MSI2: variants seen among roughly 807,000 people sequenced by gnomAD.
MSI2 encodes musashi RNA binding protein 2.
MSI2 carries 17 observed loss-of-function variants against 45.6 expected under a neutral mutation model. The observed-to-expected ratio is 0.37, with a 90% CI of 0.26 to 0.56. MSI2 has a LOEUF of 0.56. Ranked by LOEUF, MSI2 falls within the 20% of genes least tolerant of loss-of-function variation. The pLI is 0.77. For missense variants in MSI2, 293 were observed against 444.2 expected, an observed-to-expected ratio of 0.66 and a Z score of 3.06; for synonymous variants, 156 against 158.2, an observed-to-expected ratio of 0.99 and a Z score of 0.11.
chr17:57,570,420 G>T (rs896791466), intron 7 of MSI2, among the ~76,000 whole-genome samples: 1 of 152,216 alleles, frequency 6.6e-6, no homozygotes, highest in Non-Finnish European at 1.5e-5. Flanking sequence ...GAGTTATGGG[G>T]TGGGTTGAAA....
chr17:57,263,260 C>T (rs553164294), intron 5 of MSI2, among the ~76,000 whole-genome samples: 46 of 152,292 alleles, frequency 3.0e-4, no homozygotes, highest in Non-Finnish European at 5.6e-4. Flanking sequence ...CCTTCCTTCC[C>T]TCCTTCTTTC....
the MSI2 span, among the ~76,000 whole-genome samples, chr17:57,700,559 CTAACTGGGA>C: frequency 1.3e-5 from 2 of 152,118 alleles, no homozygotes; most frequent in Non-Finnish European, 2.9e-5. Context: ...TGTGATAGGT[CTAACTGGGA>C]TAACATTGAC....
rs189197278 is a variant in MSI2, at chr17:57,610,775, G to C, written c.538-5195G>C. Among the ~76,000 whole-genome samples, 4 of 94,040 alleles carry C rather than the reference G, an allele frequency of 4.3e-5. 2 individuals carry two copies. The East Asian group carries it at 1.1e-3, about 25-fold the overall frequency. 61.7% of individuals were successfully genotyped at this position (94,040 alleles called of 152,430 possible). A position where few individuals can be genotyped will look rare whatever the true frequency, so the allele number is the denominator to read the frequency against. ...GCTGCCCTAGGTGTCCAGGGGCTAG[G>C]TGTCCAGGGGCTAGGTCATTATTCT... On this transcript the variant is annotated intron_variant, in intron 8 of 13. Coordinates refer to ENST00000284073, the MANE Select transcript of MSI2 (RefSeq NM_138962.4).
intron 7 of MSI2, among the ~76,000 whole-genome samples, chr17:57,533,414 TC>T (rs2086861118): frequency 6.6e-6 from 1 of 152,248 alleles, no homozygotes; most frequent in Non-Finnish European, 1.5e-5. Context: ...CTTCTGCTGC[TC>T]CCATGACATT....
intron 6 of MSI2, among the ~76,000 whole-genome samples, chr17:57,432,809 C>T (rs922342936): frequency 5.3e-5 from 8 of 152,314 alleles, no homozygotes; most frequent in East Asian, 3.9e-4. Flanking sequence ...ATCTGCTAAG[C>T]GATTCCTGTG....
the MSI2 span, among the ~76,000 whole-genome samples, chr17:57,696,994 C>G: frequency 6.6e-6 from 1 of 152,094 alleles, no homozygotes; most frequent in Non-Finnish European, 1.5e-5. Context: ...TCCATGGGAC[C>G]AGAGCTATCT....
intron 6 of MSI2, among the ~76,000 whole-genome samples, chr17:57,455,921 T>C (rs2085105929): frequency 2.0e-5 from 3 of 152,196 alleles, no homozygotes; most frequent in Admixed American, 2.0e-4. Context: ...ACAGACTCTT[T>C]GGACAAAGCT....
intron 10 of MSI2, chr17:57,631,799 C>T (rs748231001): frequency 3.7e-6 from 6 of 1,612,780 alleles, no homozygotes; most frequent in Non-Finnish European, 5.1e-6. Flanking sequence ...AGACTATTTG[C>T]CGGTTTCACA....
intron 5 of MSI2, among the ~76,000 whole-genome samples, chr17:57,363,687 C>G (rs960726122): frequency 6.6e-6 from 1 of 152,060 alleles, no homozygotes; most frequent in Non-Finnish European, 1.5e-5. Context: ...TGTAGTGAGC[C>G]GAATTGGCAC....
intron 11 of MSI2, among the ~76,000 whole-genome samples, chr17:57,663,518 A>G (rs2144718920): frequency 6.6e-6 from 1 of 152,108 alleles, no homozygotes; most frequent in East Asian, 1.9e-4. Context: ...GACCTTGGGG[A>G]GAAGAGGAGA....
chr17:57,456,935 G>A (rs923095498), intron 6 of MSI2, among the ~76,000 whole-genome samples: 23 of 152,168 alleles, frequency 1.5e-4, no homozygotes, highest in African/African-American at 5.1e-4. Context: ...ATGCACCCGG[G>A]TCCTGTGGTT....
intron 10 of MSI2, among the ~76,000 whole-genome samples, chr17:57,639,669 C>G (rs1286792112): frequency 6.6e-6 from 1 of 152,236 alleles, no homozygotes; most frequent in African/African-American, 2.4e-5. Flanking sequence ...GCTGCCCCAC[C>G]CTGAGTCTGA....
At chr17:57,687,970 A>G (rs1394134064), downstream of MSI2, among the ~76,000 whole-genome samples, 2 of 152,164 alleles carry the variant, frequency 1.3e-5, no homozygotes, top group Non-Finnish European at 2.9e-5. Flanking sequence ...CCATATGACC[A>G]TAACAATATG....
chr17:57,402,808 GC>G (rs1404272057), intron 6 of MSI2, among the ~76,000 whole-genome samples: 1 of 152,182 alleles, frequency 6.6e-6, no homozygotes, highest in Non-Finnish European at 1.5e-5. Flanking sequence ...TTTTGAAAAG[GC>G]CTCCCCCATG....
chr17:57,362,727 C>T (rs1916901215), intron 5 of MSI2, among the ~76,000 whole-genome samples: 3 of 151,822 alleles, frequency 2.0e-5, no homozygotes, highest in South Asian at 4.2e-4. Context: ...CATGCCACCC[C>T]TCTGATATTT....
intron 10 of MSI2, among the ~76,000 whole-genome samples, chr17:57,634,770 A>G (rs1381627425): frequency 6.6e-6 from 1 of 152,230 alleles, no homozygotes; most frequent in African/African-American, 2.4e-5. Flanking sequence ...GTGGCTCCAT[A>G]ATACTCATGG....
intron 5 of MSI2, among the ~76,000 whole-genome samples, chr17:57,321,723 T>A (rs1277499430): frequency 6.6e-6 from 1 of 152,194 alleles, no homozygotes; most frequent in African/African-American, 2.4e-5. Context: ...GATGTTCTTA[T>A]TTTTTCAGTC....
downstream of MSI2, among the ~76,000 whole-genome samples, chr17:57,688,623 A>G (rs370905943): frequency 1.3e-5 from 2 of 152,324 alleles, no homozygotes; most frequent in East Asian, 3.9e-4. Context: ...AAATACATAT[A>G]TATGTATGTG....
intron 7 of MSI2, among the ~76,000 whole-genome samples, chr17:57,586,465 C>G (rs2088350147): frequency 6.6e-6 from 1 of 151,214 alleles, no homozygotes; most frequent in Admixed American, 6.6e-5. Flanking sequence ...AAACATTTGT[C>G]TAATTTCACA....
Sources: allele counts gnomAD v4.1 joint callset (sites outside exome capture counted in the v4.1 genomes callset), GRCh38; gene constraint gnomAD v4.1.1; transcripts MANE v1.5; gene names NCBI Gene and HGNC (gene_info 2026-07-23, HGNC 2026-07-21).